Variants in OPCML observed in about 807,000 individuals in gnomAD.
OPCML encodes opioid binding protein/cell adhesion molecule like, also known as opioid-binding protein/cell adhesion molecule.
Under a neutral mutation model 37.8 loss-of-function variants are expected in OPCML, and 13 were observed. The observed-to-expected ratio is 0.34, with a 90% CI of 0.22 to 0.55. The LOEUF (loss-of-function observed/expected upper bound fraction) is 0.55, where lower values mean the gene tolerates loss of function less well. Ranked by LOEUF, OPCML falls within the 20% of genes least tolerant of loss-of-function variation. OPCML has a pLI of 0.91. For synonymous variants in OPCML, 176 were observed against 168.8 expected (o/e 1.04, Z -0.33); for missense variants, 341 against 435.6 (o/e 0.78, Z 1.93).
At chr11:133,461,304 C>T (rs760380385) in intron 1 of OPCML, among the ~76,000 whole-genome samples, 16 of 151,808 alleles carry the variant, frequency 1.1e-4, no homozygotes, top group Non-Finnish European at 2.1e-4. Context: ...GTCGATGACA[C>T]CATCTTATAG....
intron 1 of OPCML, among the ~76,000 whole-genome samples, chr11:133,140,769 A>AGAAGACGAC (rs1949774944): frequency 7.6e-6 from 1 of 131,736 alleles, no homozygotes; most frequent in South Asian, 2.5e-4. Context: ...ACGACGAAGA[A>AGAAGACGAC]GAAGAAGAAG....
chr11:132,849,786 T>C (rs934291337), intron 2 of OPCML, among the ~76,000 whole-genome samples: 30 of 151,954 alleles, frequency 2.0e-4, no homozygotes, highest in African/African-American at 7.3e-4. Context: ...GGGCATGGGG[T>C]CAGCCAGCTG....
intron 2 of OPCML, among the ~76,000 whole-genome samples, chr11:132,709,828 G>C (rs1191224860): frequency 6.6e-6 from 1 of 152,148 alleles, no homozygotes; most frequent in East Asian, 1.9e-4. Flanking sequence ...CGTCAGAGGG[G>C]ATTCGCTAAG....
chr11:132,803,996 A>G (rs1403241661), intron 2 of OPCML, among the ~76,000 whole-genome samples: 1 of 152,214 alleles, frequency 6.6e-6, no homozygotes, highest in East Asian at 1.9e-4. Flanking sequence ...TTACATAAAT[A>G]ATTTTCACTT....
intron 2 of OPCML, among the ~76,000 whole-genome samples, chr11:132,896,966 T>C (rs1042505898): frequency 6.6e-5 from 10 of 152,160 alleles, no homozygotes; most frequent in Admixed American, 5.2e-4. Context: ...CTATTTGAAT[T>C]TTGCAGGCAA....
intron 3 of OPCML, among the ~76,000 whole-genome samples, chr11:132,546,191 T>A (rs934843212): frequency 6.6e-6 from 1 of 152,244 alleles, no homozygotes; most frequent in African/African-American, 2.4e-5. Context: ...ACTCTCTGTT[T>A]ATGTCTTTTG....
chr11:133,111,281 G>C (rs1458686495), intron 1 of OPCML, among the ~76,000 whole-genome samples: 1 of 152,200 alleles, frequency 6.6e-6, no homozygotes, highest in Non-Finnish European at 1.5e-5. Context: ...TGGCACGGTA[G>C]CTAGTTTCCC....
intron 1 of OPCML, among the ~76,000 whole-genome samples, chr11:133,392,869 A>C (rs1401818734): frequency 6.6e-6 from 1 of 152,112 alleles, no homozygotes; most frequent in African/African-American, 2.4e-5. Flanking sequence ...TAACCCCAAA[A>C]CCAATATTCA....
At chr11:133,334,957 C>G (rs116286429) in intron 1 of OPCML, among the ~76,000 whole-genome samples, 13 of 152,320 alleles carry the variant, frequency 8.5e-5, no homozygotes, top group African/African-American at 3.1e-4. Context: ...GGAAGCAGAG[C>G]TCAGTCTGTG....
chr11:132,892,784 T>G (rs1943702372), intron 2 of OPCML, among the ~76,000 whole-genome samples: 1 of 151,760 alleles, frequency 6.6e-6, no homozygotes, highest in Admixed American at 6.6e-5. Flanking sequence ...AAAGTATTCT[T>G]TCCAATAATA....
At chr11:133,061,672 C>T (rs1034297304) in intron 1 of OPCML, among the ~76,000 whole-genome samples, 1 of 152,182 alleles carries the variant, frequency 6.6e-6, no homozygotes, top group African/African-American at 2.4e-5. Flanking sequence ...ATTTTGAAAA[C>T]ATTATTCTTT....
At chr11:132,700,608 A>G (rs1267032187) in intron 2 of OPCML, among the ~76,000 whole-genome samples, 2 of 152,170 alleles carry the variant, frequency 1.3e-5, no homozygotes, top group East Asian at 1.9e-4. Context: ...TCCTCCTATT[A>G]TCAATCTCTA....
At chr11:132,837,634 G>A (rs939953814) in intron 2 of OPCML, among the ~76,000 whole-genome samples, 8 of 152,210 alleles carry the variant, frequency 5.3e-5, no homozygotes, top group Non-Finnish European at 1.0e-4. Context: ...AAGGTGTGCA[G>A]GGGACAGGTG....
chr11:132,514,343 C>T (rs2096275287), intron 4 of OPCML, among the ~76,000 whole-genome samples: 2 of 152,176 alleles, frequency 1.3e-5, no homozygotes, highest in Admixed American at 1.3e-4. Context: ...CAACCAGAAA[C>T]AGCAATGGAC....
At chr11:132,979,865 T>C (rs1946546217) in intron 1 of OPCML, among the ~76,000 whole-genome samples, 1 of 152,044 alleles carries the variant, frequency 6.6e-6, no homozygotes, top group Non-Finnish European at 1.5e-5. Flanking sequence ...GGCAGGGGGA[T>C]TATAAAGGCA....
chr11:133,306,275 C>A (rs574112041), intron 1 of OPCML, among the ~76,000 whole-genome samples: 1 of 152,146 alleles, frequency 6.6e-6, no homozygotes, highest in African/African-American at 2.4e-5. Context: ...CTGGAAATAC[C>A]ATAATGACGC....
chr11:133,294,995 T>A (rs989061773), intron 1 of OPCML, among the ~76,000 whole-genome samples: 3 of 151,834 alleles, frequency 2.0e-5, no homozygotes, highest in Non-Finnish European at 4.4e-5. Flanking sequence ...AGCTAATTAT[T>A]GTATTTTTAG....
intron 3 of OPCML, among the ~76,000 whole-genome samples, chr11:132,621,204 G>C (rs1166871619): frequency 1.3e-5 from 2 of 152,140 alleles, no homozygotes; most frequent in Non-Finnish European, 2.9e-5. Flanking sequence ...TTCAAATATT[G>C]CTGCAGGGAG....
At chr11:132,749,289 T>A (rs1945751864) in intron 2 of OPCML, among the ~76,000 whole-genome samples, 1 of 152,186 alleles carries the variant, frequency 6.6e-6, no homozygotes, top group Admixed American at 6.5e-5. Flanking sequence ...GGCACTTTCT[T>A]ACAGTAGCAG....
Sources: allele counts gnomAD v4.1 joint callset (sites outside exome capture counted in the v4.1 genomes callset), GRCh38; gene constraint gnomAD v4.1.1; transcripts MANE v1.5; gene names NCBI Gene and HGNC (gene_info 2026-07-23, HGNC 2026-07-21).